TTC23: variants seen among roughly 807,000 people sequenced by gnomAD.
The protein encoded by TTC23 is tetratricopeptide repeat domain 23.
TTC23 carries 58 observed loss-of-function variants against 55.1 expected under a neutral mutation model. The observed-to-expected ratio is 1.05, with a 90% CI of 0.85 to 1.31. TTC23 has a LOEUF of 1.31. TTC23 is among the 50% of genes most tolerant of loss of function. TTC23 has a pLI of 0.00. For missense variants in TTC23, 516 were observed against 534.4 expected, an observed-to-expected ratio of 0.97 and a Z score of 0.34; for synonymous variants, 203 against 199.9, an observed-to-expected ratio of 1.02 and a Z score of -0.13.
At chr15:99,204,685 G>C (rs977017317) in intron 8 of TTC23, among the ~76,000 whole-genome samples, 4 of 123,138 alleles carry the variant, frequency 3.2e-5, no homozygotes, top group African/African-American at 1.2e-4. Flanking sequence ...GCCCAGGCTG[G>C]AGTGCAGTGG....
intron 4 of TTC23, among the ~76,000 whole-genome samples, chr15:99,231,269 C>A (rs1372934005): frequency 6.6e-6 from 1 of 152,182 alleles, no homozygotes. Flanking sequence ...AGAGGGTACT[C>A]CTTCTACTTA....
Position 99,218,719 on chromosome 15 carries a change from T to C in TTC23, c.456-6A>G, listed in dbSNP as rs760630999. On this transcript the variant is annotated splice_polypyrimidine_tract_variant and splice_region_variant and intron_variant, in intron 7 of 13. Transcript: ENST00000394132. ...TCTCTGCAGCTTCCTTAAATCTGAA[T>C]TGTGTTCAGGAAATTTTCCACTTGG... 3.1e-6 allele frequency: 5 copies of C among 1,613,730 alleles called. No homozygotes were observed. In the African/African-American group the frequency reaches 4.0e-5, roughly 13 times the overall value.
intron 4 of TTC23, among the ~76,000 whole-genome samples, chr15:99,229,995 C>T (rs1369014922): frequency 6.6e-6 from 1 of 152,162 alleles, no homozygotes; most frequent in Non-Finnish European, 1.5e-5. Context: ...ATAACCAACA[C>T]CTAACGAGGT....
intron 8 of TTC23, among the ~76,000 whole-genome samples, chr15:99,202,081 T>C (rs1477346597): frequency 6.6e-6 from 1 of 152,218 alleles, no homozygotes; most frequent in Non-Finnish European, 1.5e-5. Context: ...TTTTGAAATA[T>C]GACAAGAGTT....
intron 4 of TTC23, among the ~76,000 whole-genome samples, chr15:99,233,135 G>A (rs2079060405): frequency 6.6e-6 from 1 of 152,156 alleles, no homozygotes; most frequent in African/African-American, 2.4e-5. Context: ...GGTTGTGGGA[G>A]GAGGAATAAA....
chr15:99,204,635 T>TTTTTTTTTTTTTG (rs2076463957), intron 8 of TTC23, among the ~76,000 whole-genome samples: 1 of 123,370 alleles, frequency 8.1e-6, no homozygotes, highest in African/African-American at 3.5e-5. Flanking sequence ...ATTTAAGGTT[T>TTTTTTTTTTTTTG]TTTTTTTTTT....
chr15:99,242,460 G>C (rs1872598033), intron 2 of TTC23, among the ~76,000 whole-genome samples: 1 of 152,134 alleles, frequency 6.6e-6, no homozygotes, highest in Non-Finnish European at 1.5e-5. Context: ...AACTCTAACA[G>C]AAGATAGAGA....
intron 10 of TTC23, among the ~76,000 whole-genome samples, chr15:99,172,080 C>T (rs1363758779): frequency 2.6e-5 from 4 of 151,092 alleles, no homozygotes; most frequent in Non-Finnish European, 5.9e-5. Flanking sequence ...TGCAGTGGCA[C>T]AATCTTGGCT....
At chr15:99,209,985 G>C (rs1362818711) in intron 8 of TTC23, among the ~76,000 whole-genome samples, 2 of 152,024 alleles carry the variant, frequency 1.3e-5, no homozygotes, top group Non-Finnish European at 2.9e-5. Flanking sequence ...CGAACTCCTG[G>C]GCTCAAATGG....
Position 99,203,942 on chromosome 15 carries a change from C to T in TTC23, c.582-3846G>A, listed in dbSNP as rs139510069. 3.9e-5 allele frequency among the ~76,000 whole-genome samples: 6 copies of T among 152,222 alleles called. No homozygotes were observed. The East Asian group carries it at 9.6e-4, about 24-fold the overall frequency. On this transcript the variant is annotated intron_variant, in intron 8 of 13. Coordinates refer to ENST00000394132, the MANE Select transcript of TTC23 (RefSeq NM_001288615.3). Reference sequence around the variant, plus strand: ...CCTAGGTTGGCCATTGTGAATAGTGCTGCAATAAACATGAGAGTGCAGATA... The same window carrying T: ...CCTAGGTTGGCCATTGTGAATAGTGTTGCAATAAACATGAGAGTGCAGATA...
At chr15:99,154,975 T>A (rs1311760304) in intron 12 of TTC23, among the ~76,000 whole-genome samples, 1 of 152,204 alleles carries the variant, frequency 6.6e-6, no homozygotes, top group East Asian at 1.9e-4. Context: ...ACAAAAGAAA[T>A]AAATTGGAGG....
rs66568931 is a variant in TTC23 at position 99,187,452 on chromosome 15, C to CAAAAAAAAAAAAAAAAAAAAAAA, written c.760-12298_760-12297insTTTTTTTTTTTTTTTTTTTTTTT. 7.2e-4 allele frequency among the ~76,000 whole-genome samples: 32 copies of CAAAAAAAAAAAAAAAAAAAAAAA among 44,470 alleles called. 2 individuals carry two copies. The highest frequency in any genetic ancestry group is 1.3e-3 in the African/African-American group (13 of 10,188). The allele number at this position is 44,470 out of a possible 152,430, so 29.2% of individuals were successfully genotyped here. A position where few individuals can be genotyped will look rare whatever the true frequency, so the allele number is the denominator to read the frequency against. On this transcript the variant is annotated intron_variant, in intron 9 of 13. Transcript: ENST00000394132. The stretch of plus-strand genomic sequence containing the variant: ...GGAGATGTGATGCCAAAAGCACAAG[C>CAAAAAAAAAAAAAAAAAAAAAAA]AAAAAAAAAAAAAAAACAAAACAAA...
At chr15:99,243,358 G>T (rs1441063667) in intron 2 of TTC23, among the ~76,000 whole-genome samples, 1 of 152,222 alleles carries the variant, frequency 6.6e-6, no homozygotes, top group Admixed American at 6.5e-5. Context: ...ATGCTGGTGA[G>T]GATGTGGACA....
chr15:99,234,075 A>G (rs574307200), intron 4 of TTC23, among the ~76,000 whole-genome samples: 1 of 152,350 alleles, frequency 6.6e-6, no homozygotes, highest in Admixed American at 6.5e-5. Flanking sequence ...ACTTAAAACT[A>G]TAAAAACAAT....
intron 8 of TTC23, among the ~76,000 whole-genome samples, chr15:99,204,632 GTTTTTTTTTTTT>G (rs56890685): frequency 0.035 from 2,151 of 61,106 alleles, 145 homozygotes; most frequent in African/African-American, 0.14. Flanking sequence ...TAGATTTAAG[GTTTTTTTTTTTT>G]TTTTTTTTTT....
At chr15:99,149,277 A>G (rs2069384590) in intron 12 of TTC23, among the ~76,000 whole-genome samples, 1 of 152,246 alleles carries the variant, frequency 6.6e-6, no homozygotes, top group Admixed American at 6.5e-5. Context: ...TGCACGCACC[A>G]CAGTGCACAA....
Position 99,221,740 on chromosome 15 carries a change from C to A in TTC23, c.304+1G>T, listed in dbSNP as rs1419154832. The A allele has an allele frequency of 6.2e-7, 1 of 1,613,946 alleles. No individual in the cohort carries two copies. The highest frequency in any genetic ancestry group is 1.1e-5 in the South Asian group (1 of 91,060). Reference sequence around the variant, plus strand: ...TCCCCCTCAGTCTAAGGCGAGCTTACCTTTCAGCTGGAGGTAGCCTTGAGC... The same window carrying A: ...TCCCCCTCAGTCTAAGGCGAGCTTAACTTTCAGCTGGAGGTAGCCTTGAGC... On this transcript the variant is annotated splice_donor_variant, in intron 6 of 13. Coordinates refer to ENST00000394132, the MANE Select transcript of TTC23 (RefSeq NM_001288615.3). LOFTEE classifies it high-confidence loss of function.
At chr15:99,230,244 G>A (rs969831778) in intron 4 of TTC23, among the ~76,000 whole-genome samples, 1 of 152,114 alleles carries the variant, frequency 6.6e-6, no homozygotes, top group Admixed American at 6.6e-5. Flanking sequence ...AATTATGTGT[G>A]AAGATGAAAA....
rs2077690402 is a variant in TTC23 at position 99,218,946 on chromosome 15, G to C, written c.407C>G (p.Ser136Cys). 1 of 1,614,162 alleles carries C rather than the reference G, an allele frequency of 6.2e-7. No individual in the cohort carries two copies. The highest frequency in any genetic ancestry group is 8.5e-7 in the Non-Finnish European group (1 of 1,180,004). ...GCCCATGGTATGGAAAAGCTCAATG[G>C]AAAACTTGAAAACATCTGTATTCTC... ...YSENTDVFKF[S>C]IELFHTMGRA... Residue 136 changes from serine (S) to cysteine (C), a missense_variant, in exon 7 of 14, where the codon TCC becomes TGC. Coordinates refer to ENST00000394132, the MANE Select transcript of TTC23 (RefSeq NM_001288615.3).
Sources: allele counts gnomAD v4.1 joint callset (sites outside exome capture counted in the v4.1 genomes callset), GRCh38; gene constraint gnomAD v4.1.1; transcripts MANE v1.5; gene names NCBI Gene and HGNC (gene_info 2026-07-23, HGNC 2026-07-21).